The following LPP variants were observed in gnomAD, a reference collection of about 807,000 sequenced individuals.
LPP encodes the protein LIM domain containing preferred translocation partner in lipoma.
Under a neutral mutation model 60.4 loss-of-function variants are expected in LPP, and 38 were observed. The ratio of observed to expected loss-of-function variants is 0.63; its 90% CI spans 0.49 to 0.83. The LOEUF (loss-of-function observed/expected upper bound fraction) is 0.83, where lower values mean the gene tolerates loss of function less well. Ranked by LOEUF, LPP falls within the 40% of genes least tolerant of loss-of-function variation. LPP has a pLI of 0.00. For synonymous variants in LPP, 328 were observed against 290.8 expected (o/e 1.13, Z -1.30); for missense variants, 902 against 783.6 (o/e 1.15, Z -1.80).
chr3:188,687,811 G>C (rs1388833658), intron 7 of LPP, among the ~76,000 whole-genome samples: 1 of 126,034 alleles, frequency 7.9e-6, no homozygotes, highest in Non-Finnish European at 1.6e-5. Context: ...GTCTCGCTCT[G>C]TCGCCCAGGC....
At chr3:188,203,598 T>A (rs949191383) in intron 1 of LPP, among the ~76,000 whole-genome samples, 1 of 113,120 alleles carries the variant, frequency 8.8e-6, no homozygotes, top group Non-Finnish European at 1.7e-5. Flanking sequence ...TATTTAAATA[T>A]ATATAAATAT....
chr3:188,250,294 T>G (rs1466746971), intron 2 of LPP, among the ~76,000 whole-genome samples: 1 of 152,212 alleles, frequency 6.6e-6, no homozygotes, highest in African/African-American at 2.4e-5. Flanking sequence ...CATTTTGTAT[T>G]AGTCACTGGT....
rs138450745 is a variant in LPP, at chr3:188,634,352, C to T, written c.1113+24508C>T. Among the ~76,000 whole-genome samples, 201 of 152,328 alleles carry T rather than the reference C, an allele frequency of 1.3e-3. 1 individual carries two copies. Among genetic ancestry groups the T allele is most frequent in the African/African-American group, 4.7e-3 (195 of 41,580 alleles). On this transcript the variant is annotated intron_variant, in intron 7 of 11. Transcript: ENST00000617246. ...AATGGAGGTAGAGAAGACACAATCC[C>T]TTGCCCTCAAAGGTTTCAGTGACAG... is the stretch of plus-strand genomic sequence containing the variant.
chr3:188,487,173 C>T (rs557873994), intron 5 of LPP, among the ~76,000 whole-genome samples: 3 of 152,208 alleles, frequency 2.0e-5, no homozygotes, highest in South Asian at 2.1e-4. Context: ...TGCTGAGTCC[C>T]GGTTTCCTCT....
chr3:188,660,385 C>T (rs1242274430), intron 7 of LPP, among the ~76,000 whole-genome samples: 2 of 152,136 alleles, frequency 1.3e-5, no homozygotes, highest in African/African-American at 2.4e-5. Context: ...TGTGTACATG[C>T]TTTGAGGTGT....
intron 4 of LPP, among the ~76,000 whole-genome samples, chr3:188,455,572 G>A (rs1366148750): frequency 2.0e-5 from 3 of 152,226 alleles, no homozygotes; most frequent in African/African-American, 4.8e-5. Context: ...TGCTCTCTGC[G>A]AGACAGAGAC....
At chr3:188,229,296 C>T (rs1034913880) in intron 2 of LPP, among the ~76,000 whole-genome samples, 2 of 152,282 alleles carry the variant, frequency 1.3e-5, no homozygotes, top group Middle Eastern at 3.4e-3. Flanking sequence ...ATACCTGCTG[C>T]TCCAGGCGTG....
intron 4 of LPP, among the ~76,000 whole-genome samples, chr3:188,422,652 A>G (rs1383008633): frequency 6.6e-6 from 1 of 152,162 alleles, no homozygotes; most frequent in Admixed American, 6.6e-5. Flanking sequence ...CCTAAAATGC[A>G]TGCCTTGTGC....
intron 2 of LPP, among the ~76,000 whole-genome samples, chr3:188,285,492 C>T (rs558896141): frequency 1.3e-5 from 2 of 152,198 alleles, no homozygotes; most frequent in East Asian, 3.9e-4. Context: ...GATCATGGCT[C>T]ACTGCAGTCT....
At chr3:188,315,719 G>A (rs1754835943) in intron 2 of LPP, among the ~76,000 whole-genome samples, 1 of 152,014 alleles carries the variant, frequency 6.6e-6, no homozygotes, top group Non-Finnish European at 1.5e-5. Context: ...TTAAGCACTT[G>A]CTAATGTGCT....
intron 10 of LPP, among the ~76,000 whole-genome samples, chr3:188,870,471 G>A (rs573809814): frequency 9.2e-5 from 14 of 152,082 alleles, no homozygotes; most frequent in Non-Finnish European, 1.5e-4. Context: ...GAAATGTGCC[G>A]GAATACAAGA....
intron 1 of LPP, among the ~76,000 whole-genome samples, chr3:188,181,572 G>A (rs931014647): frequency 5.3e-5 from 8 of 152,172 alleles, no homozygotes; most frequent in African/African-American, 1.9e-4. Flanking sequence ...GCTGCTTCAA[G>A]ATTCTTTTAA....
In LPP at chr3:188,760,127, T is replaced by C; in HGVS notation, c.1255T>C (p.Cys419Arg). 6.2e-7 allele frequency: 1 copy of C among 1,614,108 alleles called. No homozygotes were observed. The highest frequency in any genetic ancestry group is 1.7e-5 in the Admixed American group (1 of 60,010). Reference protein sequence around the residue: ...ADEYFGRCARCGENVVGEGTG... With the variant: ...ADEYFGRCARRGENVVGEGTG... ...TTTTTTTCCAGGCCGCTGTGCTCGCTGTGGAGAAAACGTAGTTGGGGAAGG... is the reference window on the plus strand; with the variant it reads ...TTTTTTTCCAGGCCGCTGTGCTCGCCGTGGAGAAAACGTAGTTGGGGAAGG... Residue 419 changes from cysteine (C) to arginine (R), a missense_variant, in exon 9 of 12, where the codon TGT becomes CGT. By Grantham distance (180) the Cys-to-Arg change is radical (BLOSUM62 -3). Transcript: ENST00000617246.
intron 3 of LPP, among the ~76,000 whole-genome samples, chr3:188,358,749 G>A (rs1176731058): frequency 1.3e-5 from 2 of 152,164 alleles, no homozygotes; most frequent in Non-Finnish European, 2.9e-5. Context: ...ATCTGAGTGG[G>A]AAGATGCAAG....
At chr3:188,457,991 G>C (rs892969997) in intron 4 of LPP, among the ~76,000 whole-genome samples, 1 of 152,074 alleles carries the variant, frequency 6.6e-6, no homozygotes, top group East Asian at 1.9e-4. Context: ...AAGCATATTG[G>C]TATTAAACTA....
At chr3:188,818,761 T>C (rs1264373202) in intron 9 of LPP, among the ~76,000 whole-genome samples, 1 of 152,136 alleles carries the variant, frequency 6.6e-6, no homozygotes, top group Non-Finnish European at 1.5e-5. Flanking sequence ...AATAAAAAAA[T>C]GGAATAAGCC....
At chr3:188,502,004 C>A (rs1812059740) in intron 5 of LPP, among the ~76,000 whole-genome samples, 1 of 151,248 alleles carries the variant, frequency 6.6e-6, no homozygotes, top group African/African-American at 2.4e-5. Context: ...CTATTTTTAT[C>A]CCATTGTGCT....
At chr3:188,611,267 A>C (rs1212535103) in intron 7 of LPP, among the ~76,000 whole-genome samples, 2 of 152,182 alleles carry the variant, frequency 1.3e-5, no homozygotes, top group Non-Finnish European at 2.9e-5. Context: ...TAGAATTTTA[A>C]ATGATTTTAA....
chr3:188,689,086 C>T (rs754132064), intron 7 of LPP, among the ~76,000 whole-genome samples: 12 of 152,168 alleles, frequency 7.9e-5, no homozygotes, highest in Non-Finnish European at 1.2e-4. Flanking sequence ...GTGCCTGGTA[C>T]ATGGTAAACA....
Sources: gnomAD v4.1 joint callset for allele counts (sites outside exome capture counted in the v4.1 genomes callset) on GRCh38, gnomAD v4.1.1 for gene constraint, MANE v1.5 for transcripts, NCBI Gene and HGNC (gene_info 2026-07-23, HGNC 2026-07-21) for gene names.